BLTP3A: variants seen among roughly 807,000 people sequenced by gnomAD.
The protein encoded by BLTP3A is bridge-like lipid transfer protein family member 3A, also known as ICBP90 binding protein 1.
the BLTP3A span, chr6:34,870,726 A>T: frequency 7.8e-7 from 1 of 1,279,304 alleles, no homozygotes. Flanking sequence ...ATTCTCTGTG[A>T]CTTCGTTCAG....
At chr6:34,857,459 A>G in the BLTP3A span, 1 of 1,613,904 alleles carries the variant, frequency 6.2e-7, no homozygotes, top group Non-Finnish European at 8.5e-7. Flanking sequence ...CCAGATAATC[A>G]GGAGCTTCCA....
At chr6:34,802,712 A>AT in the BLTP3A span, among the ~76,000 whole-genome samples, 1 of 152,132 alleles carries the variant, frequency 6.6e-6, no homozygotes, top group Non-Finnish European at 1.5e-5. Flanking sequence ...TTGCATGCAA[A>AT]CATCTGACAA....
At chr6:34,857,057 G>A in the BLTP3A span, 1 of 1,270,930 alleles carries the variant, frequency 7.9e-7, no homozygotes, top group South Asian at 1.5e-5. Flanking sequence ...TTAATAGTTT[G>A]GTCTGTTTCT....
chr6:34,841,756 T>C, the BLTP3A span, among the ~76,000 whole-genome samples: 1 of 151,894 alleles, frequency 6.6e-6, no homozygotes, highest in Admixed American at 6.6e-5. Flanking sequence ...TCTTGTAAAA[T>C]CAAACTGGAT....
At chr6:34,859,187 C>A in the BLTP3A span, 1 of 1,614,146 alleles carries the variant, frequency 6.2e-7, no homozygotes, top group East Asian at 2.2e-5. Context: ...CAGGATGTAT[C>A]CCAGGAGAGG....
the BLTP3A span, chr6:34,857,784 G>T: frequency 1.5e-5 from 25 of 1,614,038 alleles, no homozygotes; most frequent in Non-Finnish European, 2.1e-5. Flanking sequence ...GATCCTGTCA[G>T]TTTGCTCTGG....
the BLTP3A span, among the ~76,000 whole-genome samples, chr6:34,847,922 T>TTTCTTTTTTTC: frequency 1.0e-4 from 6 of 59,318 alleles, no homozygotes; most frequent in East Asian, 4.0e-3. Flanking sequence ...CTTTTTTTCC[T>TTTCTTTTTTTC]TTTTTTTTTT....
At chr6:34,871,995 G>A in the BLTP3A span, 25 of 1,471,604 alleles carry the variant, frequency 1.7e-5, no homozygotes, top group Admixed American at 1.6e-4. Context: ...GGTAAAACCC[G>A]GGGTTGGGGG....
At chr6:34,869,640 CTTTTTTTTTTTT>C in the BLTP3A span, among the ~76,000 whole-genome samples, 10,183 of 81,584 alleles carry the variant, frequency 0.12, 534 homozygotes, top group East Asian at 0.3. Context: ...ACATACACCA[CTTTTTTTTTTTT>C]TTTTTTTTTT....
At chr6:34,832,123 C>CTTTTT in the BLTP3A span, among the ~76,000 whole-genome samples, 1 of 141,884 alleles carries the variant, frequency 7.0e-6, no homozygotes, top group African/African-American at 2.6e-5. Context: ...TTTTTTCTTT[C>CTTTTT]TTTTTTTTTT....
At chr6:34,825,874 C>T in the BLTP3A span, among the ~76,000 whole-genome samples, 1 of 152,054 alleles carries the variant, frequency 6.6e-6, no homozygotes, top group Non-Finnish European at 1.5e-5. Flanking sequence ...CTGCTGTGAA[C>T]ATTTGTATAC....
the BLTP3A span, among the ~76,000 whole-genome samples, chr6:34,830,240 A>G: frequency 1.3e-5 from 2 of 151,880 alleles, no homozygotes; most frequent in African/African-American, 4.8e-5. Flanking sequence ...AGGCTTGTAG[A>G]ACTCTTCTCT....
the BLTP3A span, among the ~76,000 whole-genome samples, chr6:34,799,679 T>A: frequency 6.6e-6 from 1 of 152,220 alleles, no homozygotes; most frequent in Non-Finnish European, 1.5e-5. Context: ...GAATTTTGAC[T>A]CTGCTACTTC....
chr6:34,830,860 C>T, the BLTP3A span, among the ~76,000 whole-genome samples: 3 of 152,048 alleles, frequency 2.0e-5, no homozygotes, highest in African/African-American at 7.2e-5. Context: ...CTGGTATTGT[C>T]TATCTTTTCA....
At chr6:34,838,803 G>A in the BLTP3A span, among the ~76,000 whole-genome samples, 4 of 152,094 alleles carry the variant, frequency 2.6e-5, no homozygotes, top group African/African-American at 9.7e-5. Flanking sequence ...AATCAGCTGG[G>A]CGTGGTGGCA....
chr6:34,813,882 T>C, the BLTP3A span, among the ~76,000 whole-genome samples: 1 of 152,144 alleles, frequency 6.6e-6, no homozygotes, highest in South Asian at 2.1e-4. Flanking sequence ...CCTCTCCAGG[T>C]GATGAGAGAG....
chr6:34,851,441 T>A, the BLTP3A span, among the ~76,000 whole-genome samples: 1 of 152,192 alleles, frequency 6.6e-6, no homozygotes, highest in Non-Finnish European at 1.5e-5. Context: ...TTCCCTGTAT[T>A]ACCAGGCAGA....
the BLTP3A span, among the ~76,000 whole-genome samples, chr6:34,833,809 C>T: frequency 6.6e-6 from 1 of 151,134 alleles, no homozygotes; most frequent in East Asian, 2.0e-4. Context: ...TGGCTCCCAG[C>T]TACTTGGGAG....
the BLTP3A span, among the ~76,000 whole-genome samples, chr6:34,844,148 T>G: frequency 1.3e-5 from 2 of 151,694 alleles, no homozygotes; most frequent in African/African-American, 2.4e-5. Flanking sequence ...GCCCGGCTAA[T>G]TTTTTTTGTA....
Sources: gnomAD v4.1 joint callset for allele counts (sites outside exome capture counted in the v4.1 genomes callset) on GRCh38, gnomAD v4.1.1 for gene constraint, MANE v1.5 for transcripts, NCBI Gene and HGNC (gene_info 2026-07-23, HGNC 2026-07-21) for gene names.